Variants in CD207 observed in about 807,000 individuals in gnomAD.
CD207 encodes the protein C-type lectin domain family 4 member K.
CD207 carries 28 observed loss-of-function variants against 31.6 expected under a neutral mutation model. The ratio of observed to expected loss-of-function variants is 0.89; its 90% CI spans 0.66 to 1.21. The LOEUF is 1.21. CD207 is among the 50% of genes most tolerant of loss of function. CD207 has a pLI of 0.00. For synonymous variants in CD207, 168 were observed against 153.9 expected (o/e 1.09, Z -0.68); for missense variants, 388 against 397.8 (o/e 0.98, Z 0.21).
intron 3 of CD207, 30 bp downstream of exon 3, chr2:70,833,616 A>G (rs1553400244): frequency 6.4e-7 from 1 of 1,566,630 alleles, no homozygotes; most frequent in East Asian, 2.3e-5. Flanking sequence ...GCCACTGGTC[A>G]GCTTCAATGT....
Position 70,833,672 on chromosome 2 carries a change from T to A in CD207, c.539A>T (p.Asn180Ile), listed in dbSNP as rs782791564. 1.0e-4 allele frequency: 168 copies of A among 1,611,872 alleles called. No individual in the cohort carries two copies. Among genetic ancestry groups the A allele is most frequent in the Non-Finnish European group, 1.4e-4 (160 of 1,178,956 alleles). The change falls in exon 3 of 6, where the codon AAT (asparagine) becomes ATT (isoleucine). Residue 180 changes from asparagine to isoleucine, a missense_variant. Asn to Ile is a moderately radical substitution (Grantham distance 149). Transcript: ENST00000410009. ...TTGTCGTTTGAGCAACTTGCTCATA[T>A]TCTCCAAGCTGCCCTGGAGTGCCCG... is the stretch of plus-strand genomic sequence containing the variant. ...KIRALQGSLE[N>I]MSKLLKRQND...
rs565488330 is a variant in CD207, at chr2:70,835,049, G to A, written c.190+442C>T. Among the ~76,000 whole-genome samples, 6 of 152,344 alleles carry A rather than the reference G, an allele frequency of 3.9e-5. No homozygotes were observed. In the South Asian group the frequency reaches 1.2e-3, roughly 32 times the overall value. ...GGAGATCTGTTGGCTCGTTGGCCAG[G>A]CTCTCCATCTGGTGAGCTGGGGCCA... On this transcript the variant is annotated intron_variant, in intron 2 of 5. Coordinates refer to ENST00000410009, the MANE Select transcript of CD207 (RefSeq NM_015717.5).
At chr2:70,835,424 C>A in intron 2 of CD207, 67 bp downstream of exon 2, 5 of 1,113,634 alleles carry the variant, frequency 4.5e-6, no homozygotes, top group Non-Finnish European at 6.8e-6. Flanking sequence ...GAAGTGGTCT[C>A]GATCTGAAGG....
At chr2:70,828,819 C>G (rs943448926), downstream of CD207, among the ~76,000 whole-genome samples, 1 of 152,168 alleles carries the variant, frequency 6.6e-6, no homozygotes, top group South Asian at 2.1e-4. Context: ...GTGCCCACCA[C>G]CATGCCCGGC....
Position 70,833,904 on chromosome 2 carries a change from C to A in CD207, c.307G>T (p.Glu103Ter), listed in dbSNP as rs375876653. 1.2e-6 allele frequency: 2 copies of A among 1,604,800 alleles called. No homozygotes were observed. Among genetic ancestry groups the A allele is most frequent in the Non-Finnish European group, 8.5e-7 (1 of 1,174,350 alleles). Residue 103 changes from glutamate (E) to a stop codon, truncating the protein, a stop_gained, in exon 3 of 6, where the codon GAG becomes TAG. Transcript: ENST00000410009. LOFTEE classifies it high-confidence loss of function. The stretch of plus-strand genomic sequence containing the variant: ...ATCTGGATCTGAACGCCAGCTGCCT[C>A]CATGCCGTCACTATTCTTTTTAATT... ...SEIKKNSDGM[E>*]AAGVQIQMVN...
At chr2:70,833,541 C>T in intron 3 of CD207, 105 bp downstream of exon 3, 1 of 1,324,464 alleles carries the variant, frequency 7.6e-7, no homozygotes, top group Non-Finnish European at 1.0e-6. Context: ...CCTCTTTTGC[C>T]CCCACTCTCC....
In CD207 at chr2:70,835,637, A is replaced by T. The variant is rs1677598313; in HGVS notation, c.74-30T>A. 3 of 1,610,980 alleles carry T rather than the reference A, an allele frequency of 1.9e-6. No individual in the cohort carries two copies. The South Asian group carries it at 3.3e-5, about 18-fold the overall frequency. On this transcript the variant is annotated intron_variant, in intron 1 of 5. Transcript: ENST00000410009. ...TGGAAGAAGAAGAAAATGTGTGTTGAAGGAGCAGCAAAGGGCAGGTTTGCA... is the reference window on the plus strand; with the variant it reads ...TGGAAGAAGAAGAAAATGTGTGTTGTAGGAGCAGCAAAGGGCAGGTTTGCA...
chr2:70,830,108 C>T (rs1433379236), downstream of CD207: 1 of 152,160 alleles, frequency 6.6e-6, no homozygotes, highest in Non-Finnish European at 1.5e-5. Context: ...TTTTGACTCC[C>T]CAGATGTTTC....
downstream of CD207, among the ~76,000 whole-genome samples, chr2:70,828,768 C>T (rs1358836775): frequency 4.6e-5 from 7 of 152,142 alleles, no homozygotes; most frequent in Non-Finnish European, 8.8e-5. Flanking sequence ...CAGATTCAAG[C>T]AATTCTCCTG....
downstream of CD207, among the ~76,000 whole-genome samples, chr2:70,825,744 T>C (rs948453697): frequency 6.6e-6 from 1 of 152,064 alleles, no homozygotes; most frequent in Non-Finnish European, 1.5e-5. Context: ...TCTCCCTATG[T>C]TGCCCAGGCT....
downstream of CD207, among the ~76,000 whole-genome samples, chr2:70,827,695 A>G (rs1677378421): frequency 6.6e-6 from 1 of 152,248 alleles, no homozygotes; most frequent in African/African-American, 2.4e-5. Context: ...AAGCACTGGG[A>G]AAATTAAAGC....
chr2:70,828,923 C>T (rs575417330), downstream of CD207, among the ~76,000 whole-genome samples: 2 of 152,266 alleles, frequency 1.3e-5, no homozygotes, highest in African/African-American at 4.8e-5. Flanking sequence ...CTTCAGCCTC[C>T]CAAAGTGCTG....
downstream of CD207, among the ~76,000 whole-genome samples, chr2:70,826,692 T>A (rs1324068613): frequency 6.6e-6 from 1 of 152,200 alleles, no homozygotes; most frequent in African/African-American, 2.4e-5. Context: ...CAAGGAAGGC[T>A]GTAAGTGCTA....
chr2:70,831,513 G>A (rs569663912), intron 5 of CD207, among the ~76,000 whole-genome samples, 188 bp downstream of exon 5: 6 of 152,318 alleles, frequency 3.9e-5, no homozygotes, highest in South Asian at 2.1e-4. Flanking sequence ...CCCAGAGGGC[G>A]TGGAGGGCTC....
chr2:70,824,634 A>AAC, the CD207 span, among the ~76,000 whole-genome samples: 1 of 149,630 alleles, frequency 6.7e-6, no homozygotes, highest in Non-Finnish European at 1.5e-5. Flanking sequence ...AAAAAAAAAA[A>AAC]AAAAAAAAAA....
At chr2:70,833,294 C>T (rs1415936708) in intron 3 of CD207, among the ~76,000 whole-genome samples, 1 of 152,112 alleles carries the variant, frequency 6.6e-6, no homozygotes, top group Admixed American at 6.5e-5. Flanking sequence ...GTGTCTTCCC[C>T]ATGATGAGGA....
intron 4 of CD207, among the ~76,000 whole-genome samples, chr2:70,832,187 T>G (rs1259716990): frequency 2.0e-5 from 3 of 152,234 alleles, no homozygotes; most frequent in Non-Finnish European, 4.4e-5. Flanking sequence ...GTCGTCCATA[T>G]GCATTCTCTC....
downstream of CD207, among the ~76,000 whole-genome samples, chr2:70,828,890 C>T (rs1477333202): frequency 6.6e-6 from 1 of 152,150 alleles, no homozygotes; most frequent in Non-Finnish European, 1.5e-5. Flanking sequence ...GTCTCGAACT[C>T]CTGACCTCAG....
At chr2:70,824,134 T>C in the CD207 span, among the ~76,000 whole-genome samples, 2 of 152,108 alleles carry the variant, frequency 1.3e-5, no homozygotes, top group African/African-American at 4.8e-5. Flanking sequence ...TTCTTCTTTA[T>C]GTTTTTTAAT....
Sources: gnomAD v4.1 joint callset for allele counts (sites outside exome capture counted in the v4.1 genomes callset) on GRCh38, gnomAD v4.1.1 for gene constraint, MANE v1.5 for transcripts, NCBI Gene and HGNC (gene_info 2026-07-23, HGNC 2026-07-21) for gene names.